Variants in SAXO1 observed in about 807,000 individuals in gnomAD.
SAXO1 encodes stabilizer of axonemal microtubules 1, also known as 4930500O09Rik.
In SAXO1, 21 loss-of-function variants were observed where a neutral mutation model predicts 17.5. That is an observed-to-expected ratio of 1.20 (90% CI 0.85 to 1.72). SAXO1 has a LOEUF of 1.72. Ranked by LOEUF, SAXO1 falls within the 40% of genes most tolerant of loss-of-function variation. SAXO1 has a pLI of 0.00. For missense variants in SAXO1, 843 were observed against 596.0 expected (o/e 1.41, Z -4.32); for synonymous variants, 274 against 216.5 (o/e 1.27, Z -2.33).
chr9:18,942,463 T>C (rs768869443), intron 2 of SAXO1, among the ~76,000 whole-genome samples: 2 of 152,130 alleles, frequency 1.3e-5, no homozygotes, highest in Non-Finnish European at 2.9e-5. Context: ...GGTATCTTCC[T>C]TTCAGGTGCC....
intron 1 of SAXO1, among the ~76,000 whole-genome samples, chr9:19,001,790 G>C (rs572189007): frequency 1.2e-4 from 19 of 152,118 alleles, no homozygotes; most frequent in Non-Finnish European, 2.4e-4. Context: ...ATAAGAGAAA[G>C]CATGAAAGAT....
At chr9:19,011,852 T>TG (rs940244809) in intron 1 of SAXO1, among the ~76,000 whole-genome samples, 2 of 150,382 alleles carry the variant, frequency 1.3e-5, no homozygotes, top group African/African-American at 4.9e-5. Context: ...AGCATAGATT[T>TG]TTTTTTTTTT....
Position 19,032,874 on chromosome 9 carries a change from C to G in SAXO1, c.35G>C (p.Cys12Ser). Reference sequence around the variant, plus strand: ...GCCCTGGGCGTGGCCACCTTACCCGCAGGAGCACAGTTCACAGATGCACTT... The same window carrying G: ...GCCCTGGGCGTGGCCACCTTACCCGGAGGAGCACAGTTCACAGATGCACTT... ...KTKCICELCS[C>S]GRHHCPHLPT... The change falls in exon 1 of 4, where the codon TGC becomes TCC. Residue 12 changes from cysteine to serine, a missense_variant. Coordinates refer to ENST00000380534, the MANE Select transcript of SAXO1 (RefSeq NM_153707.4). 1 of 1,610,658 alleles carries G rather than the reference C, an allele frequency of 6.2e-7. No homozygotes were observed. Among genetic ancestry groups the G allele is most frequent in the Non-Finnish European group, 8.5e-7 (1 of 1,179,754 alleles).
intron 1 of SAXO1, among the ~76,000 whole-genome samples, chr9:18,980,005 A>G (rs527985997): frequency 1.3e-5 from 2 of 152,346 alleles, no homozygotes; most frequent in East Asian, 3.9e-4. Flanking sequence ...AGGAAGGGAA[A>G]CAGAGCCTGG....
chr9:18,930,076 G>A (rs191902551), intron 3 of SAXO1, among the ~76,000 whole-genome samples: 10 of 152,272 alleles, frequency 6.6e-5, no homozygotes, highest in Admixed American at 3.3e-4. Context: ...AATTTAAACC[G>A]TATTGTTGTC....
At chr9:19,032,775 G>A (rs1256675603) in intron 1 of SAXO1, 96 bp downstream of exon 1, 4 of 1,391,696 alleles carry the variant, frequency 2.9e-6, no homozygotes, top group Non-Finnish European at 3.0e-6. Flanking sequence ...AACCCACCGT[G>A]ATGCCGCCTG....
intron 1 of SAXO1, among the ~76,000 whole-genome samples, chr9:19,047,407 G>A (rs1368719560): frequency 1.3e-5 from 2 of 152,148 alleles, no homozygotes; most frequent in Non-Finnish European, 2.9e-5. Flanking sequence ...TCCGTAAAAT[G>A]TGATATCCAG....
At chr9:19,026,085 AAAATAGCTAG>A (rs1018233028) in intron 1 of SAXO1, among the ~76,000 whole-genome samples, 3 of 150,076 alleles carry the variant, frequency 2.0e-5, no homozygotes, top group Non-Finnish European at 4.5e-5. Flanking sequence ...CATATATTTC[AAAATAGCTAG>A]AAGATTATTT....
chr9:19,030,875 G>A (rs1835735545), intron 1 of SAXO1, among the ~76,000 whole-genome samples: 1 of 151,982 alleles, frequency 6.6e-6, no homozygotes, highest in South Asian at 2.1e-4. Context: ...TGAGACAGAT[G>A]GATCACCAAA....
At chr9:18,935,173 C>A (rs1831231713) in intron 3 of SAXO1, among the ~76,000 whole-genome samples, 1 of 152,134 alleles carries the variant, frequency 6.6e-6, no homozygotes, top group Non-Finnish European at 1.5e-5. Flanking sequence ...CTGGGCCTCG[C>A]AAAGTGCTAG....
intron 3 of SAXO1, among the ~76,000 whole-genome samples, chr9:18,933,816 G>C (rs1233061340): frequency 2.0e-5 from 3 of 152,198 alleles, no homozygotes. Flanking sequence ...GGAGGCCAAG[G>C]TGGGCTGATC....
In SAXO1 at chr9:18,950,920, T is replaced by C; in HGVS notation, c.56A>G (p.His19Arg). 1 of 1,612,670 alleles carries C rather than the reference T, an allele frequency of 6.2e-7. No individual in the cohort carries two copies. Among genetic ancestry groups the C allele is most frequent in the Non-Finnish European group, 8.5e-7 (1 of 1,179,644 alleles). ...TTTATCATAAATCTTGGTAGGGAGA[T>C]GTGGACAGTGATGCCGCCTATAAAA... ...LCSCGRHHCPHLPTKIYDKTE... is the reference protein window; with the variant it reads ...LCSCGRHHCPRLPTKIYDKTE... The change falls in exon 2 of 4, where the codon CAT becomes CGT. Residue 19 changes from histidine (H) to arginine (R), a missense_variant. Physicochemically the swap from His to Arg is conservative, Grantham distance 29. Transcript: ENST00000380534.
At chr9:18,954,552 G>C (rs528854773) in intron 1 of SAXO1, among the ~76,000 whole-genome samples, 95 of 152,188 alleles carry the variant, frequency 6.2e-4, no homozygotes, top group African/African-American at 2.1e-3. Context: ...TCCCAAGCTG[G>C]TATCGAACTC....
chr9:19,016,050 G>T (rs115558872), intron 1 of SAXO1, among the ~76,000 whole-genome samples: 1 of 152,172 alleles, frequency 6.6e-6, no homozygotes. Flanking sequence ...ACATGCAGGG[G>T]AAGGGCACCA....
intron 1 of SAXO1, among the ~76,000 whole-genome samples, chr9:19,042,722 C>T (rs548458864): frequency 1.4e-3 from 216 of 152,244 alleles, no homozygotes; most frequent in African/African-American, 5.0e-3. Flanking sequence ...ATTAGCCAGG[C>T]ATGGTGGTGC....
At chr9:19,039,433 C>T (rs1028924091) in intron 1 of SAXO1, among the ~76,000 whole-genome samples, 14 of 152,166 alleles carry the variant, frequency 9.2e-5, no homozygotes, top group African/African-American at 3.4e-4. Context: ...TTTAGCTATG[C>T]AGAAAATATT....
chr9:18,959,543 G>C (rs1029459728), intron 1 of SAXO1, among the ~76,000 whole-genome samples: 1 of 152,108 alleles, frequency 6.6e-6, no homozygotes, highest in African/African-American at 2.4e-5. Context: ...GGACAGGGCC[G>C]ATGGATCACC....
At chr9:18,980,990 T>C (rs977188540) in intron 1 of SAXO1, among the ~76,000 whole-genome samples, 4 of 152,132 alleles carry the variant, frequency 2.6e-5, no homozygotes, top group African/African-American at 4.8e-5. Flanking sequence ...AAGGAATAAA[T>C]TGACGCACGG....
intron 2 of SAXO1, among the ~76,000 whole-genome samples, chr9:18,947,223 G>A (rs1032334573): frequency 1.3e-5 from 2 of 152,136 alleles, no homozygotes; most frequent in Non-Finnish European, 2.9e-5. Context: ...GTGTCTCTTT[G>A]AACAAAAAAT....
Sources: gnomAD v4.1 joint callset for allele counts (sites outside exome capture counted in the v4.1 genomes callset) on GRCh38, gnomAD v4.1.1 for gene constraint, MANE v1.5 for transcripts, NCBI Gene and HGNC (gene_info 2026-07-23, HGNC 2026-07-21) for gene names.